The following SUMF1 variants were observed in gnomAD, a reference collection of about 807,000 sequenced individuals.
SUMF1 encodes the protein sulfatase modifying factor 1.
Under a neutral mutation model 47.6 loss-of-function variants are expected in SUMF1, and 48 were observed. That is an observed-to-expected ratio of 1.01 (90% confidence interval 0.80 to 1.28). The LOEUF (loss-of-function observed/expected upper bound fraction) is 1.28. Among genes scored for constraint, SUMF1 ranks in the 50% most tolerant of loss-of-function variants. The probability of loss-of-function intolerance (pLI) is 0.00; values close to 1 mark genes in which losing one functional copy is unlikely to be tolerated. For missense variants in SUMF1, 571 were observed against 485.4 expected, an observed-to-expected ratio of 1.18 and a Z score of -1.66; for synonymous variants, 230 against 192.1, an observed-to-expected ratio of 1.20 and a Z score of -1.63.
At chr3:4,313,262 G>T in intron 8 of SUMF1, 1 of 1,613,878 alleles carries the variant, frequency 6.2e-7, no homozygotes, top group Non-Finnish European at 8.5e-7. Flanking sequence ...GAGGTTTTAG[G>T]ATTCTCTGAA....
chr3:4,317,665 T>G (rs1470895797), intron 8 of SUMF1: 2 of 155,362 alleles, frequency 1.3e-5, no homozygotes, highest in African/African-American at 4.8e-5. Flanking sequence ...AAAATAGCAG[T>G]GGCTGTTAGA....
At chr3:4,050,162 C>A (rs1256149693) in intron 9 of SUMF1, among the ~76,000 whole-genome samples, 2 of 151,866 alleles carry the variant, frequency 1.3e-5, no homozygotes, top group East Asian at 3.9e-4. Context: ...ACAGGAATGC[C>A]TGTCTCCATT....
At chr3:4,265,251 C>T (rs2125028194) in intron 8 of SUMF1, among the ~76,000 whole-genome samples, 1 of 151,688 alleles carries the variant, frequency 6.6e-6, no homozygotes, top group South Asian at 2.1e-4. Context: ...TCTATTTCTG[C>T]TCATGTTTTC....
At chr3:4,385,227 A>T (rs1170899426) in intron 7 of SUMF1, among the ~76,000 whole-genome samples, 1 of 152,162 alleles carries the variant, frequency 6.6e-6, no homozygotes, top group Non-Finnish European at 1.5e-5. Flanking sequence ...TGTTTTCCAG[A>T]ATGGCTGTAC....
chr3:4,307,470 C>A (rs1213850851), intron 8 of SUMF1, among the ~76,000 whole-genome samples: 1 of 152,148 alleles, frequency 6.6e-6, no homozygotes, highest in Non-Finnish European at 1.5e-5. Flanking sequence ...GTCATTTAGA[C>A]CCTGAAGTTC....
chr3:4,456,718 A>C (rs1425011891), intron 1 of SUMF1, among the ~76,000 whole-genome samples: 2 of 130,480 alleles, frequency 1.5e-5, no homozygotes, highest in African/African-American at 5.7e-5. Context: ...ATATATATAC[A>C]TATATATACG....
chr3:4,140,933 G>GA lies in SUMF1; in HGVS notation c.1015-72189dup, dbSNP rs375320468. On this transcript the variant is annotated intron_variant and NMD_transcript_variant, in intron 8 of 12. Transcript: ENST00000448413. ...GAAACATAATAGGAATAGGGAAGAG[G>GA]AAAAAAACACAGTCCCTGAAAAATA... 1.0e-3 allele frequency among the ~76,000 whole-genome samples: 154 copies of GA among 151,984 alleles called. 4 individuals are homozygous for GA. The East Asian group carries it at 0.023, about 23-fold the overall frequency.
chr3:4,384,939 G>A (rs1050681999), intron 7 of SUMF1, among the ~76,000 whole-genome samples: 5 of 151,150 alleles, frequency 3.3e-5, no homozygotes, highest in Admixed American at 2.6e-4. Context: ...AGGCTGGAGC[G>A]CAGTGGAGTA....
At chr3:4,131,369 C>A (rs1011636259) in intron 8 of SUMF1, among the ~76,000 whole-genome samples, 3 of 152,226 alleles carry the variant, frequency 2.0e-5, no homozygotes, top group Middle Eastern at 3.4e-3. Context: ...GGGGAGTTCC[C>A]TATGATCAGT....
chr3:4,182,873 C>T (rs1695125408), intron 8 of SUMF1, among the ~76,000 whole-genome samples: 1 of 151,986 alleles, frequency 6.6e-6, no homozygotes, highest in South Asian at 2.1e-4. Flanking sequence ...TTCTATTTTA[C>T]CTATGGGGAA....
chr3:4,096,107 T>C (rs904544717), intron 8 of SUMF1, among the ~76,000 whole-genome samples: 5 of 152,158 alleles, frequency 3.3e-5, no homozygotes, highest in African/African-American at 1.2e-4. Flanking sequence ...TTGTAAAGAC[T>C]GTATGGTCTT....
At chr3:4,143,133 T>C (rs1177429952) in intron 8 of SUMF1, among the ~76,000 whole-genome samples, 3 of 152,146 alleles carry the variant, frequency 2.0e-5, no homozygotes, top group African/African-American at 7.2e-5. Context: ...CGGGAGTTTA[T>C]TGCAGGCAAA....
intron 8 of SUMF1, among the ~76,000 whole-genome samples, chr3:4,315,267 C>T (rs553020651): frequency 1.3e-5 from 2 of 152,248 alleles, no homozygotes; most frequent in African/African-American, 4.8e-5. Context: ...TTTTCTTGCT[C>T]ACAAGCTCAC....
chr3:4,277,619 T>A (rs114807129), intron 8 of SUMF1, among the ~76,000 whole-genome samples: 6 of 152,138 alleles, frequency 3.9e-5, no homozygotes, highest in Non-Finnish European at 8.8e-5. Context: ...ATGAAAAACG[T>A]TTATAATCTT....
intron 3 of SUMF1, among the ~76,000 whole-genome samples, chr3:4,420,860 C>T (rs711664): frequency 0.23 from 34,962 of 151,980 alleles, 5,011 homozygotes; most frequent in Non-Finnish European, 0.32. Flanking sequence ...CAAGCTGAAG[C>T]ACAGAAGAAA....
At chr3:4,347,924 C>T (rs1699406312) in intron 8 of SUMF1, among the ~76,000 whole-genome samples, 1 of 152,100 alleles carries the variant, frequency 6.6e-6, no homozygotes, top group Admixed American at 6.5e-5. Flanking sequence ...GAATGAACTC[C>T]CATTCACAAT....
At chr3:4,327,302 C>A (rs543924580) in intron 8 of SUMF1, among the ~76,000 whole-genome samples, 1 of 152,162 alleles carries the variant, frequency 6.6e-6, no homozygotes, top group Non-Finnish European at 1.5e-5. Flanking sequence ...TGGAAATTTT[C>A]TCTCTAGCCT....
At chr3:4,363,121 GAATA>G (rs1699824006) in intron 8 of SUMF1, among the ~76,000 whole-genome samples, 1 of 151,994 alleles carries the variant, frequency 6.6e-6, no homozygotes, top group Non-Finnish European at 1.5e-5. Context: ...AATACAATAA[GAATA>G]TATATTAATT....
At chr3:4,247,804 C>G (rs977201486) in intron 8 of SUMF1, among the ~76,000 whole-genome samples, 2 of 152,138 alleles carry the variant, frequency 1.3e-5, no homozygotes, top group African/African-American at 4.8e-5. Flanking sequence ...GCCCACTGAT[C>G]CAGCAACCAA....
Sources: gnomAD v4.1 joint callset for allele counts (sites outside exome capture counted in the v4.1 genomes callset) on GRCh38, gnomAD v4.1.1 for gene constraint, MANE v1.5 for transcripts, NCBI Gene and HGNC (gene_info 2026-07-23, HGNC 2026-07-21) for gene names.